The following PCDHGA7 variants were observed in gnomAD, a reference collection of about 807,000 sequenced individuals.
The protein encoded by PCDHGA7 is protocadherin gamma subfamily A, 7, also known as protocadherin gamma-A7.
PCDHGA7 carries 44 observed loss-of-function variants against 58.3 expected under a neutral mutation model. The observed-to-expected ratio is 0.75, with a 90% CI of 0.59 to 0.97. PCDHGA7 has a LOEUF of 0.97. PCDHGA7 is among the 50% of genes least tolerant of loss of function. The pLI is 0.00. For missense variants in PCDHGA7, 1,266 were observed against 1,188.7 expected (o/e 1.06, Z -0.96); for synonymous variants, 516 against 504.2 (o/e 1.02, Z -0.31).
intron 1 of PCDHGA7, among the ~76,000 whole-genome samples, chr5:141,472,863 G>A (rs2099301197): frequency 6.7e-6 from 1 of 149,994 alleles, no homozygotes. Context: ...GCACATGCCT[G>A]TATTCCCAGC....
chr5:141,493,338 A>G lies in PCDHGA7; in HGVS notation c.2425-1469A>G, dbSNP rs773870729. Among the ~76,000 whole-genome samples the G allele has an allele frequency of 6.6e-6, 1 of 152,162 alleles. No individual in the cohort carries two copies. The highest frequency in any genetic ancestry group is 1.5e-5 in the Non-Finnish European group (1 of 68,028). On this transcript the variant is annotated intron_variant, in intron 1 of 3. Transcript: ENST00000518325. This position sits in a 1 kb window ranked among gnomAD's most constrained non-coding sequence, Gnocchi z 4.3. ...GATTCTAACCCCTGTCTAACTCCAG[A>G]ATGTGTGCTTTTAATTTCTTGGCAC...
intron 1 of PCDHGA7, chr5:141,387,801 C>A: frequency 6.6e-7 from 1 of 1,509,314 alleles, no homozygotes; most frequent in Non-Finnish European, 8.9e-7. Flanking sequence ...AAAGTCCGTT[C>A]GGAGATCCAA....
chr5:141,444,594 T>C (rs2098442338), intron 1 of PCDHGA7, among the ~76,000 whole-genome samples: 1 of 152,244 alleles, frequency 6.6e-6, no homozygotes, highest in South Asian at 2.1e-4. Flanking sequence ...ACTTACCTTA[T>C]TTAAAATTGA....
At chr5:141,462,905 T>G (rs542357408) in intron 1 of PCDHGA7, among the ~76,000 whole-genome samples, 265 of 152,356 alleles carry the variant, frequency 1.7e-3, no homozygotes, top group Non-Finnish European at 3.1e-3. Flanking sequence ...AAGGCTATTA[T>G]GTTTTTTGCA....
chr5:141,497,775 A>G (rs2099779384), intron 2 of PCDHGA7, among the ~76,000 whole-genome samples: 2 of 152,054 alleles, frequency 1.3e-5, no homozygotes, highest in South Asian at 4.2e-4. Context: ...CCCGACCTCA[A>G]CTGATCCACC....
chr5:141,423,101 G>A (rs757127033), intron 1 of PCDHGA7: 3 of 1,613,966 alleles, frequency 1.9e-6, no homozygotes, highest in South Asian at 1.1e-5. Context: ...GAGCACACGG[G>A]CGAGGTGCGT....
intron 1 of PCDHGA7, among the ~76,000 whole-genome samples, chr5:141,429,377 GT>G (rs566693637): frequency 1.3e-4 from 20 of 149,526 alleles, no homozygotes; most frequent in South Asian, 8.5e-4. Flanking sequence ...GAGAAAATGT[GT>G]TTTTTTTTTA....
intron 1 of PCDHGA7, chr5:141,393,595 T>C: frequency 6.2e-7 from 1 of 1,613,866 alleles, no homozygotes; most frequent in Non-Finnish European, 8.5e-7. Context: ...GGCACGCGGC[T>C]GCTTACTGTA....
chr5:141,415,350 G>C, intron 1 of PCDHGA7: 1 of 1,614,228 alleles, frequency 6.2e-7, no homozygotes, highest in Non-Finnish European at 8.5e-7. Context: ...GCTGGCACAA[G>C]TCACGCCTGC....
chr5:141,455,533 T>C (rs1232689740), intron 1 of PCDHGA7, among the ~76,000 whole-genome samples: 1 of 152,134 alleles, frequency 6.6e-6, no homozygotes, highest in African/African-American at 2.4e-5. Flanking sequence ...TGACCAGGCA[T>C]ATCATTCACG....
intron 1 of PCDHGA7, among the ~76,000 whole-genome samples, chr5:141,430,398 C>T (rs2097281985): frequency 6.7e-6 from 1 of 150,224 alleles, no homozygotes. Flanking sequence ...AAAAAAAAAG[C>T]TCACTAAAGT....
chr5:141,487,100 C>A lies in PCDHGA7; in HGVS notation c.2425-7707C>A. ...CCCAGCTGACCTCCCACCACAGAAGCTGGTCATTGTGGTAAAGGATAGTGG... is the reference window on the plus strand; with the variant it reads ...CCCAGCTGACCTCCCACCACAGAAGATGGTCATTGTGGTAAAGGATAGTGG... On this transcript the variant is annotated intron_variant, in intron 1 of 3. Coordinates refer to ENST00000518325, the MANE Select transcript of PCDHGA7 (RefSeq NM_018920.4). This position sits in a 1 kb window ranked among gnomAD's most constrained non-coding sequence, Gnocchi z 5.0. The A allele has an allele frequency of 1.2e-6, 2 of 1,614,076 alleles. No homozygotes were observed. The highest frequency in any genetic ancestry group is 1.7e-6 in the Non-Finnish European group (2 of 1,179,960).
chr5:141,414,725 T>C (rs1303775655), intron 1 of PCDHGA7: 8 of 1,613,970 alleles, frequency 5.0e-6, no homozygotes, highest in African/African-American at 1.3e-5. Flanking sequence ...GACACTGGCG[T>C]CCTGTATGCA....
intron 1 of PCDHGA7, chr5:141,389,183 T>C: frequency 6.2e-7 from 1 of 1,613,988 alleles, no homozygotes. Context: ...TCTCCTCCAG[T>C]TCCAGCATCA....
chr5:141,421,515 C>A, intron 1 of PCDHGA7: 3 of 1,614,080 alleles, frequency 1.9e-6, no homozygotes, highest in Non-Finnish European at 2.5e-6. Context: ...GGGAGGAGCT[C>A]TGTGAGACGG....
At chr5:141,418,955 G>C in intron 1 of PCDHGA7, 4 of 1,614,050 alleles carry the variant, frequency 2.5e-6, no homozygotes, top group Non-Finnish European at 3.4e-6. Flanking sequence ...AGGAGTGGTT[G>C]TTGCCCTCTT....
chr5:141,499,599 C>G (rs2099792919), intron 2 of PCDHGA7, among the ~76,000 whole-genome samples: 2 of 152,102 alleles, frequency 1.3e-5, no homozygotes, highest in South Asian at 4.1e-4. Context: ...TCACCTATAT[C>G]CCTACCCTTA....
chr5:141,460,587 T>C (rs1461971599), intron 1 of PCDHGA7, among the ~76,000 whole-genome samples: 1 of 152,170 alleles, frequency 6.6e-6, no homozygotes, highest in Non-Finnish European at 1.5e-5. Flanking sequence ...TGTGGGTTTT[T>C]TCTGGGCTCT....
intron 1 of PCDHGA7, chr5:141,388,015 G>A (rs2091197688): frequency 6.8e-7 from 1 of 1,467,954 alleles, no homozygotes; most frequent in South Asian, 1.3e-5. Context: ...ATGCCCAAGG[G>A]CTCCGTAGTG....
Sources: allele counts gnomAD v4.1 joint callset (sites outside exome capture counted in the v4.1 genomes callset), GRCh38; gene constraint gnomAD v4.1.1; non-coding constraint Gnocchi (gnomAD v3.1); transcripts MANE v1.5; gene names NCBI Gene and HGNC (gene_info 2026-07-23, HGNC 2026-07-21).